The following RTN4IP1 variants were observed in gnomAD, a reference collection of about 807,000 sequenced individuals.
RTN4IP1 encodes NAD(P)H oxidoreductase RTN4IP1, mitochondrial.
A neutral mutation model predicts 46.6 loss-of-function variants in RTN4IP1; 32 were observed. The observed-to-expected ratio is 0.69, with a 90% CI of 0.52 to 0.92. RTN4IP1 has a LOEUF of 0.92. RTN4IP1 is among the 40% of genes least tolerant of loss of function. RTN4IP1 has a pLI of 0.00. For missense variants in RTN4IP1, 424 were observed against 485.8 expected, an observed-to-expected ratio of 0.87 and a Z score of 1.20; for synonymous variants, 167 against 161.8, an observed-to-expected ratio of 1.03 and a Z score of -0.24.
At chr6:106,624,772 TAA>T (rs1776592518) in intron 1 of RTN4IP1, among the ~76,000 whole-genome samples, 1 of 151,096 alleles carries the variant, frequency 6.6e-6, no homozygotes, top group South Asian at 2.1e-4. Context: ...TCATCTCTAC[TAA>T]AAATTTTAAA....
chr6:106,590,441 G>A (rs902248324), intron 6 of RTN4IP1, among the ~76,000 whole-genome samples: 1 of 152,106 alleles, frequency 6.6e-6, no homozygotes, highest in Non-Finnish European at 1.5e-5. Flanking sequence ...ATCGGGCTGG[G>A]CGCGGTGGTT....
intron 4 of RTN4IP1, among the ~76,000 whole-genome samples, chr6:106,612,570 T>C (rs1776252443): frequency 6.6e-6 from 1 of 151,978 alleles, no homozygotes; most frequent in Non-Finnish European, 1.5e-5. Flanking sequence ...GAGTTCTAAA[T>C]TTCTTTTCAA....
intron 1 of RTN4IP1, among the ~76,000 whole-genome samples, chr6:106,627,556 C>T (rs1327115128): frequency 1.3e-5 from 2 of 151,998 alleles, no homozygotes; most frequent in South Asian, 2.1e-4. Context: ...GATGAAAAAA[C>T]ATGCTGATCA....
chr6:106,589,034 C>T (rs12210786), intron 6 of RTN4IP1, among the ~76,000 whole-genome samples: 101,052 of 146,786 alleles, frequency 0.69, 36,500 homozygotes, highest in Non-Finnish European at 0.81. Context: ...CGCTTGAACC[C>T]GGGAGGCAGA....
At chr6:106,611,167 G>A (rs1776214337) in intron 4 of RTN4IP1, among the ~76,000 whole-genome samples, 1 of 152,140 alleles carries the variant, frequency 6.6e-6, no homozygotes, top group African/African-American at 2.4e-5. Context: ...TGCCAGGGCT[G>A]GGTATCTAGA....
chr6:106,593,709 C>T (rs1399813697), intron 5 of RTN4IP1, among the ~76,000 whole-genome samples: 1 of 152,176 alleles, frequency 6.6e-6, no homozygotes, highest in Admixed American at 6.5e-5. Flanking sequence ...TACCCAATTT[C>T]TCACTTTTAA....
Position 106,622,866 on chromosome 6 carries a change from C to A in RTN4IP1, c.378G>T (p.Val126=). The A allele has an allele frequency of 6.2e-7, 1 of 1,614,110 alleles. No homozygotes were observed. The highest frequency in any genetic ancestry group is 8.5e-7 in the Non-Finnish European group (1 of 1,180,000). The change falls in exon 2 of 9, where the codon GTG becomes GTT. Residue 126 remains valine (V), a synonymous_variant. Transcript: ENST00000369063. The part of the protein sequence containing the change: ...PLTLGRDVSG[V]VMECGLDVKY... ...TCACATCAAGCCCACATTCCATCAC[C>A]ACGCCAGAGACATCCCGACCCAGAG...
At chr6:106,603,242 T>C (rs530887219) in intron 4 of RTN4IP1, among the ~76,000 whole-genome samples, 156 of 152,320 alleles carry the variant, frequency 1.0e-3, no homozygotes, top group African/African-American at 3.5e-3. Flanking sequence ...CTAAAATTGT[T>C]AGAGCTTCCT....
At chr6:106,628,082 AC>A (rs765713152) in intron 1 of RTN4IP1, among the ~76,000 whole-genome samples, 29 of 150,420 alleles carry the variant, frequency 1.9e-4, no homozygotes, top group Non-Finnish European at 3.6e-4. Flanking sequence ...CAAACAAAAA[AC>A]CCCATAAATT....
rs759953237 is a variant in RTN4IP1 at position 106,627,743 on chromosome 6, C to CTTTTTTTTTTT, written c.274+994_274+1004dup. ...CAATCACAGTAAAGTCATTTCAATG[C>CTTTTTTTTTTT]TTTTTTTTTTTTTTTTTTTTTTTTT... On this transcript the variant is annotated intron_variant, in intron 1 of 8. Transcript: ENST00000369063. Among the ~76,000 whole-genome samples, 26 of 52,990 alleles carry CTTTTTTTTTTT rather than the reference C, an allele frequency of 4.9e-4. 4 individuals are homozygous for CTTTTTTTTTTT. Among genetic ancestry groups the CTTTTTTTTTTT allele is most frequent in the African/African-American group, 1.5e-3 (24 of 15,828 alleles). The allele number at this position is 52,990 out of a possible 152,430, so 34.8% of individuals were successfully genotyped here.
chr6:106,609,743 G>A (rs999130501), intron 4 of RTN4IP1, among the ~76,000 whole-genome samples: 2 of 152,148 alleles, frequency 1.3e-5, no homozygotes, highest in African/African-American at 4.8e-5. Context: ...ATACATCTCC[G>A]ACCTCATTAT....
intron 4 of RTN4IP1, among the ~76,000 whole-genome samples, chr6:106,614,687 A>T (rs1239889592): frequency 6.6e-6 from 1 of 152,212 alleles, no homozygotes; most frequent in Non-Finnish European, 1.5e-5. Flanking sequence ...GGAAGTGTTC[A>T]ACAATGCCAG....
intron 4 of RTN4IP1, among the ~76,000 whole-genome samples, chr6:106,615,870 A>C (rs534708594): frequency 6.6e-6 from 1 of 152,304 alleles, no homozygotes; most frequent in Admixed American, 6.5e-5. Context: ...TCATGAAGAA[A>C]CTATAGATGG....
Position 106,602,821 on chromosome 6 carries a change from T to C in RTN4IP1, c.669+53A>G, listed in dbSNP as rs986407924. On this transcript the variant is annotated intron_variant, in intron 5 of 8. Coordinates refer to ENST00000369063, the MANE Select transcript of RTN4IP1 (RefSeq NM_032730.5). The stretch of plus-strand genomic sequence containing the variant: ...AGGAGAAATAATGTATCTTAATTTA[T>C]AAATTCATGCAAACAAAATCCTCCT... 3.2e-6 allele frequency: 4 copies of C among 1,253,008 alleles called. No homozygotes were observed. In the African/African-American group the frequency reaches 6.1e-5, roughly 19 times the overall value. 77.6% of individuals were successfully genotyped at this position (1,253,008 alleles called of 1,614,324 possible).
chr6:106,616,492 T>C (rs1356267404), intron 4 of RTN4IP1, among the ~76,000 whole-genome samples: 1 of 152,028 alleles, frequency 6.6e-6, no homozygotes, highest in Non-Finnish European at 1.5e-5. Context: ...ATTAACTGAT[T>C]AGAAAAAAAA....
chr6:106,621,748 G>A (rs141591372), intron 2 of RTN4IP1, among the ~76,000 whole-genome samples: 104 of 152,274 alleles, frequency 6.8e-4, no homozygotes, highest in African/African-American at 2.4e-3. Flanking sequence ...GTCCCAATAA[G>A]ACCACAATCT....
At chr6:106,612,139 G>A (rs951105961) in intron 4 of RTN4IP1, among the ~76,000 whole-genome samples, 2 of 151,962 alleles carry the variant, frequency 1.3e-5, no homozygotes, top group African/African-American at 4.8e-5. Context: ...GTAATCCCAG[G>A]ACTTTGGGAG....
intron 1 of RTN4IP1, among the ~76,000 whole-genome samples, chr6:106,624,758 G>C (rs1188970201): frequency 6.6e-6 from 1 of 150,604 alleles, no homozygotes; most frequent in Non-Finnish European, 1.5e-5. Flanking sequence ...AACCAGCCTA[G>C]AGCTCATCTC....
chr6:106,630,123 T>C (rs1377217089), upstream of RTN4IP1, among the ~76,000 whole-genome samples: 1 of 152,188 alleles, frequency 6.6e-6, no homozygotes, highest in Admixed American at 6.5e-5. Context: ...AATTTTTGGC[T>C]TTTTTCAAAG....
Sources: allele counts gnomAD v4.1 joint callset (sites outside exome capture counted in the v4.1 genomes callset), GRCh38; gene constraint gnomAD v4.1.1; transcripts MANE v1.5; gene names NCBI Gene and HGNC (gene_info 2026-07-23, HGNC 2026-07-21).